The following ACOT7 variants were observed in gnomAD, a reference collection of about 807,000 sequenced individuals.
ACOT7 encodes the protein acyl-CoA thioesterase 7.
In ACOT7, 12 loss-of-function variants were observed where a neutral mutation model predicts 40.2. The observed-to-expected ratio is 0.30, with a 90% confidence interval of 0.19 to 0.48. The LOEUF (loss-of-function observed/expected upper bound fraction) is 0.48. ACOT7 is among the 20% of genes least tolerant of loss of function. The pLI is 0.99. For missense variants in ACOT7, 395 were observed against 530.8 expected (o/e 0.74, Z 2.51); for synonymous variants, 228 against 219.5 (o/e 1.04, Z -0.34).
chr1:6,322,055 T>A (rs994000376), intron 5 of ACOT7, among the ~76,000 whole-genome samples: 8 of 152,132 alleles, frequency 5.3e-5, no homozygotes, highest in African/African-American at 1.9e-4. Flanking sequence ...AGAGCAGGCA[T>A]CCCCTCCCTT....
chr1:6,309,457 T>C (rs577987228), intron 6 of ACOT7, among the ~76,000 whole-genome samples: 13 of 152,288 alleles, frequency 8.5e-5, no homozygotes, highest in African/African-American at 2.9e-4. Flanking sequence ...GGGTGGATTT[T>C]GTTATTTTTT....
intron 6 of ACOT7, among the ~76,000 whole-genome samples, chr1:6,315,264 G>GAAA (rs1640455555): frequency 6.6e-6 from 1 of 152,210 alleles, no homozygotes; most frequent in Non-Finnish European, 1.5e-5. Flanking sequence ...GGCTAAATTG[G>GAAA]CATCCACTTC....
intron 1 of ACOT7, among the ~76,000 whole-genome samples, chr1:6,372,317 G>C (rs1642146304): frequency 6.6e-6 from 1 of 152,178 alleles, no homozygotes; most frequent in Non-Finnish European, 1.5e-5. Context: ...AGGGAATGTT[G>C]TGGCTGATTT....
At chr1:6,268,502 G>A (rs1638919120) in intron 8 of ACOT7, among the ~76,000 whole-genome samples, 4 of 152,334 alleles carry the variant, frequency 2.6e-5, no homozygotes, top group Admixed American at 2.0e-4. Flanking sequence ...CCAAAGAGAC[G>A]GGGACTTGGC....
At chr1:6,380,491 T>C (rs1642314034) in intron 1 of ACOT7, among the ~76,000 whole-genome samples, 1 of 148,504 alleles carries the variant, frequency 6.7e-6, no homozygotes, top group Non-Finnish European at 1.5e-5. Flanking sequence ...TCCCAGCTAC[T>C]CAGGAGGCTG....
At chr1:6,351,832 G>A (rs1353367568) in intron 1 of ACOT7, among the ~76,000 whole-genome samples, 1 of 152,248 alleles carries the variant, frequency 6.6e-6, no homozygotes, top group East Asian at 1.9e-4. Flanking sequence ...GCAGAGCAGC[G>A]GAGGAAGTGC....
At chr1:6,346,413 A>G (rs923852186) in intron 2 of ACOT7, among the ~76,000 whole-genome samples, 2 of 152,226 alleles carry the variant, frequency 1.3e-5, no homozygotes, top group Non-Finnish European at 2.9e-5. Flanking sequence ...AGGAGAGGGC[A>G]GGGCCCTGTG....
intron 7 of ACOT7, among the ~76,000 whole-genome samples, chr1:6,287,921 C>T (rs1343288306): frequency 2.5e-4 from 38 of 152,188 alleles, no homozygotes; most frequent in African/African-American, 2.4e-5. Flanking sequence ...TAGAAGACTC[C>T]TTATTTTTCA....
chr1:6,284,635 C>G (rs184427948), intron 7 of ACOT7, among the ~76,000 whole-genome samples: 5 of 150,902 alleles, frequency 3.3e-5, no homozygotes, highest in African/African-American at 1.2e-4. Context: ...ACTTTGTCAA[C>G]CCCAGGATGG....
Position 6,327,296 on chromosome 1 carries a change from T to TA in ACOT7, c.625+2dup, listed in dbSNP as rs1322226278. The TA allele has an allele frequency of 3.1e-6, 5 of 1,614,142 alleles. No homozygotes were observed. In the Admixed American group the frequency reaches 5.0e-5, roughly 16 times the overall value. On this transcript the variant is annotated splice_region_variant and intron_variant, in intron 5 of 8. Transcript: ENST00000361521. Reference sequence around the variant, plus strand: ...ACCTGCTGCTGGTGTCCGCGGCTCTTACCTGGGTTGAGGACTGGCTGGACG... The same window carrying TA: ...ACCTGCTGCTGGTGTCCGCGGCTCTTAACCTGGGTTGAGGACTGGCTGGACG...
rs547885225 is a variant in ACOT7 at position 6,355,163 on chromosome 1, T to TA, written c.144-5298_144-5297insT. 9.2e-5 allele frequency among the ~76,000 whole-genome samples: 14 copies of TA among 152,166 alleles called. No homozygotes were observed. The South Asian group carries it at 2.9e-3, about 32-fold the overall frequency. The stretch of plus-strand genomic sequence containing the variant: ...GTCCCAGCAACGCCTGACCCACCCT[T>TA]TGTGAAGGACAGGGAACCATTCACA... On this transcript the variant is annotated intron_variant, in intron 1 of 8. Transcript: ENST00000361521. The surrounding 1 kb of genome is among the most constrained non-coding windows in gnomAD (Gnocchi z 5.0).
chr1:6,305,680 G>A (rs1640126495), intron 6 of ACOT7, among the ~76,000 whole-genome samples: 1 of 151,770 alleles, frequency 6.6e-6, no homozygotes, highest in South Asian at 2.1e-4. Context: ...TGGCGGCCGG[G>A]CAGAGACGCT....
In ACOT7 at chr1:6,330,894, T is replaced by G. The variant is rs1640936041; in HGVS notation, c.510+2583A>C. Among the ~76,000 whole-genome samples the G allele has an allele frequency of 6.6e-6, 1 of 152,188 alleles. No individual in the cohort carries two copies. Among genetic ancestry groups the G allele is most frequent in the Non-Finnish European group, 1.5e-5 (1 of 68,032 alleles). ...GCCAGGCATGGGGCCTGGGAGAGAT[T>G]TCAGAACTGGGTAGCATCTGAAAAT... On this transcript the variant is annotated intron_variant, in intron 4 of 8. Transcript: ENST00000361521. This position sits in a 1 kb window ranked among gnomAD's most constrained non-coding sequence, Gnocchi z 4.6.
chr1:6,278,422 G>A lies in ACOT7; in HGVS notation c.1014+2680C>T, dbSNP rs1219912182. ...GACTGAGCAGGGGCCCCATGGGGAC[G>A]GGGCAGTAAGAGCTGTTCGGGAGAG... On this transcript the variant is annotated intron_variant, in intron 8 of 8. Coordinates refer to ENST00000361521, the MANE Select transcript of ACOT7 (RefSeq NM_007274.4). This position sits in a 1 kb window ranked among gnomAD's most constrained non-coding sequence, Gnocchi z 4.1. Among the ~76,000 whole-genome samples, 2 of 152,180 alleles carry A rather than the reference G, an allele frequency of 1.3e-5. No homozygotes were observed. Among genetic ancestry groups the A allele is most frequent in the African/African-American group, 4.8e-5 (2 of 41,438 alleles).
intron 1 of ACOT7, among the ~76,000 whole-genome samples, chr1:6,378,247 G>A (rs1225283264): frequency 6.6e-6 from 1 of 151,300 alleles, no homozygotes; most frequent in Non-Finnish European, 1.5e-5. Context: ...AGGGGAGGGA[G>A]GGAGGGGCAG....
intron 8 of ACOT7, among the ~76,000 whole-genome samples, chr1:6,276,666 A>C (rs1384388385): frequency 6.6e-6 from 1 of 151,942 alleles, no homozygotes; most frequent in Non-Finnish European, 1.5e-5. Context: ...ATGCAGGTTC[A>C]CCGCACGGAG....
rs550810418 is a variant in ACOT7 at position 6,277,497 on chromosome 1, G to A, written c.1014+3605C>T. Among the ~76,000 whole-genome samples the A allele has an allele frequency of 2.6e-4, 39 of 152,328 alleles. 1 individual carries two copies. Among genetic ancestry groups the A allele is most frequent in the African/African-American group, 3.4e-4 (14 of 41,586 alleles). Reference sequence around the variant, plus strand: ...TCCTCTACTTTACGCCCATATGCGTGAGCCCCATAGACTCCCACCAGCCCT... The same window carrying A: ...TCCTCTACTTTACGCCCATATGCGTAAGCCCCATAGACTCCCACCAGCCCT... On this transcript the variant is annotated intron_variant, in intron 8 of 8. Transcript: ENST00000361521.
At chr1:6,327,806 C>T (rs1571311294) in intron 4 of ACOT7, among the ~76,000 whole-genome samples, 1 of 152,244 alleles carries the variant, frequency 6.6e-6, no homozygotes, top group Non-Finnish European at 1.5e-5. Context: ...GATGGAGTCT[C>T]GCTCTGTCCC....
chr1:6,358,605 T>A lies in ACOT7; in HGVS notation c.144-8739A>T, dbSNP rs1331208896. ...CAGGGGACCCCAGCTCACGCAGGCCTGCACTTCCTATCCCAGCTTCGGCTG... is the reference window on the plus strand; with the variant it reads ...CAGGGGACCCCAGCTCACGCAGGCCAGCACTTCCTATCCCAGCTTCGGCTG... On this transcript the variant is annotated intron_variant, in intron 1 of 8. Coordinates refer to ENST00000361521, the MANE Select transcript of ACOT7 (RefSeq NM_007274.4). This position sits in a 1 kb window ranked among gnomAD's most constrained non-coding sequence, Gnocchi z 4.1. 6.6e-6 allele frequency among the ~76,000 whole-genome samples: 1 copy of A among 152,214 alleles called. No homozygotes were observed. The highest frequency in any genetic ancestry group is 1.5e-5 in the Non-Finnish European group (1 of 68,014).
Sources: gnomAD v4.1 joint callset for allele counts (sites outside exome capture counted in the v4.1 genomes callset) on GRCh38, gnomAD v4.1.1 for gene constraint, Gnocchi (gnomAD v3.1) non-coding constraint, MANE v1.5 for transcripts, NCBI Gene and HGNC (gene_info 2026-07-23, HGNC 2026-07-21) for gene names.